The following DNAH2 variants were observed in gnomAD, a reference collection of about 807,000 sequenced individuals.
The protein encoded by DNAH2 is dynein axonemal heavy chain 2.
DNAH2 carries 323 observed loss-of-function variants against 523.5 expected under a neutral mutation model. The ratio of observed to expected loss-of-function variants is 0.62; its 90% CI spans 0.56 to 0.68. The LOEUF is 0.68. Ranked by LOEUF, DNAH2 falls within the 30% of genes least tolerant of loss-of-function variation. The pLI is 0.00. For missense variants in DNAH2, 4,907 were observed against 5,701.5 expected (o/e 0.86, Z 4.49); for synonymous variants, 2,093 against 2,177.4 (o/e 0.96, Z 1.08).
At chr17:7,758,149 A>G (rs2075896494) in intron 13 of DNAH2, among the ~76,000 whole-genome samples, 1 of 152,246 alleles carries the variant, frequency 6.6e-6, no homozygotes, top group South Asian at 2.1e-4. Context: ...ATGTAAATTA[A>G]GTAAATAAAC....
Position 7,778,106 on chromosome 17 carries a change from C to G in DNAH2, c.5277C>G (p.Thr1759=). The change falls in exon 34 of 86, where the codon ACC becomes ACG. Residue 1759 remains threonine, a synonymous_variant. Coordinates refer to ENST00000572933, the MANE Select transcript of DNAH2 (RefSeq NM_020877.5). ...KDLDDCVIRQ[T]NTQFQYNYEY... is the part of the protein sequence containing the mutation. ...TTGATGACTGTGTCATCCGCCAGAC[C>G]AACACGCAATTTCAGTATAATTATG... is the stretch of plus-strand genomic sequence containing the variant. 6.2e-7 allele frequency: 1 copy of G among 1,614,154 alleles called. No homozygotes were observed. Among genetic ancestry groups the G allele is most frequent in the Non-Finnish European group, 8.5e-7 (1 of 1,180,026 alleles).
rs1251829117 is a variant in DNAH2, at chr17:7,787,901, T to C, written c.6645T>C (p.Ser2215=). ...AAGTGGAGGACCTGGCAATGGCCTC[T>C]CCGGCCACTGTATCCCGCTGCGGGA... ...LFEVEDLAMA[S]PATVSRCGMV... is the part of the protein sequence containing the mutation. Residue 2215 remains serine (S), a synonymous_variant, in exon 43 of 86, where the codon TCT becomes TCC. Transcript: ENST00000572933. 6.2e-7 allele frequency: 1 copy of C among 1,614,184 alleles called. No homozygotes were observed. The highest frequency in any genetic ancestry group is 8.5e-7 in the Non-Finnish European group (1 of 1,180,016).
chr17:7,818,923 C>G lies in DNAH2; in HGVS notation c.10675C>G (p.Leu3559Val), dbSNP rs775217415. The change falls in exon 71 of 86, where the codon CTG (leucine) becomes GTG (valine). Residue 3559 changes from leucine to valine, a missense_variant. Leu to Val is a conservative substitution (Grantham distance 32, BLOSUM62 1). Around this residue, in one of 3 missense-constraint regions of DNAH2, gnomAD observed 1,851 missense variants for 2,139.4 expected, o/e 0.87. Transcript: ENST00000572933. ...TGCCTCTGGGCCTCCCCCTAGGCTG[C>G]TGAATGAGGCCACCGGCTCCCTGCT... is the stretch of plus-strand genomic sequence containing the variant. ...KELEDEILRLLNEATGSLLDD... is the reference protein window; with the variant it reads ...KELEDEILRLVNEATGSLLDD... 4 of 1,611,690 alleles carry G rather than the reference C, an allele frequency of 2.5e-6. No individual in the cohort carries two copies. Among genetic ancestry groups the G allele is most frequent in the Non-Finnish European group, 3.4e-6 (4 of 1,179,004 alleles).
Position 7,727,182 on chromosome 17 carries a change from G to C in DNAH2, c.289G>C (p.Glu97Gln), listed in dbSNP as rs2074841962. The C allele has an allele frequency of 6.2e-7, 1 of 1,608,368 alleles. No individual in the cohort carries two copies. Among genetic ancestry groups the C allele is most frequent in the African/African-American group, 1.3e-5 (1 of 74,602 alleles). ...ACTGGCGGATGCAGTGTGGACACAGGAGCATGATGCCATTCTGGAACACTT... is the reference window on the plus strand; with the variant it reads ...ACTGGCGGATGCAGTGTGGACACAGCAGCATGATGCCATTCTGGAACACTT... ...TGLADAVWTQ[E>Q]HDAILEHFAQ... Residue 97 changes from glutamate to glutamine, a missense_variant, in exon 4 of 86, where the codon GAG (glutamate) becomes CAG (glutamine). By Grantham distance (29) the Glu-to-Gln change is conservative (BLOSUM62 2). Around this residue, in one of 3 missense-constraint regions of DNAH2, gnomAD observed 2,806 missense variants for 3,190.8 expected, o/e 0.88. Coordinates refer to ENST00000572933, the MANE Select transcript of DNAH2 (RefSeq NM_020877.5).
In DNAH2 at chr17:7,831,378, C is replaced by T. The variant is rs369383953; in HGVS notation, c.12460-12C>T. 1 of 1,614,146 alleles carries T rather than the reference C, an allele frequency of 6.2e-7. No homozygotes were observed. The highest frequency in any genetic ancestry group is 8.5e-7 in the Non-Finnish European group (1 of 1,180,030). On this transcript the variant is annotated splice_polypyrimidine_tract_variant and intron_variant, in intron 80 of 85. Transcript: ENST00000572933. The surrounding 1 kb of genome is among the most constrained non-coding windows in gnomAD (Gnocchi z 4.2). ...AAGAGGGGGCTACACTCAAGAGCTC[C>T]TGCCTGCTCAGGTCCTTGAGTTGGC... is the stretch of plus-strand genomic sequence containing the variant.
At position 7,770,650 on chromosome 17, in the gene DNAH2, C is replaced by A. The variant is rs143537117; in HGVS notation, c.4181+11C>A. On this transcript the variant is annotated intron_variant, in intron 26 of 85. Transcript: ENST00000572933. ...CCATCATCGGCTCAGGTCAGGGGAG[C>A]TGGGGCTCTAGGAGAATGGAGGGCT... 1.6e-3 allele frequency: 2,615 copies of A among 1,614,114 alleles called. 11 individuals are homozygous for A. The highest frequency in any genetic ancestry group is 8.2e-3 in the African/African-American group (612 of 75,058).
At chr17:7,733,722 C>A (rs1351992951) in intron 5 of DNAH2, among the ~76,000 whole-genome samples, 1 of 152,042 alleles carries the variant, frequency 6.6e-6, no homozygotes, top group Non-Finnish European at 1.5e-5. Context: ...CATGATCCAC[C>A]CGCCTTGGCC....
At chr17:7,725,440 A>ATATATATATATATATATATATT (rs958458949) in intron 3 of DNAH2, among the ~76,000 whole-genome samples, 1 of 130,610 alleles carries the variant, frequency 7.7e-6, no homozygotes, top group African/African-American at 2.8e-5. Context: ...ATATATATAT[A>ATATATATATATATATATATATT]TTTTCTTTTT....
At position 7,831,246 on chromosome 17, in the gene DNAH2, G is replaced by T. The variant is rs375942330; in HGVS notation, c.12391G>T (p.Asp4131Tyr). Residue 4131 changes from aspartate to tyrosine, a missense_variant, in exon 80 of 86, where the codon GAT (aspartate) becomes TAT (tyrosine). Asp to Tyr is a radical substitution (Grantham distance 160). Coordinates refer to ENST00000572933, the MANE Select transcript of DNAH2 (RefSeq NM_020877.5). The surrounding 1 kb of genome is among the most constrained non-coding windows in gnomAD (Gnocchi z 4.2). ...SQITEAQTLF[D>Y]TLLSLQPQIT... ...GATCACTGAGGCACAAACCCTCTTT[G>T]ATACTTTGCTTTCCTTGCAACCTCA... 6.8e-6 allele frequency: 11 copies of T among 1,614,144 alleles called. No homozygotes were observed. The highest frequency in any genetic ancestry group is 9.3e-6 in the Non-Finnish European group (11 of 1,180,040).
intron 12 of DNAH2, chr17:7,743,530 G>A (rs1008849762): frequency 6.6e-6 from 4 of 606,438 alleles, no homozygotes; most frequent in African/African-American, 3.7e-5. Flanking sequence ...GCTGGGCGTG[G>A]TGGCACAAGC....
At chr17:7,787,364 T>A in intron 42 of DNAH2, 1 of 398,912 alleles carries the variant, frequency 2.5e-6, no homozygotes, top group Non-Finnish European at 4.5e-6. Flanking sequence ...AAGCACACCC[T>A]TTTCCACCCA....
At chr17:7,769,408 C>T (rs139946792) in intron 24 of DNAH2, among the ~76,000 whole-genome samples, 119 of 152,262 alleles carry the variant, frequency 7.8e-4, no homozygotes, top group Middle Eastern at 3.4e-3. Context: ...GTGATCCGCT[C>T]GCCTTGGCCT....
chr17:7,760,013 C>A lies in DNAH2; in HGVS notation c.2785+75C>A. 6.2e-7 allele frequency: 1 copy of A among 1,600,886 alleles called. No homozygotes were observed. The highest frequency in any genetic ancestry group is 8.5e-7 in the Non-Finnish European group (1 of 1,170,210). ...GAGTGGGCCAGGCCAGGAGGAGAGA[C>A]CAGGGCTATTTCCAGGCATACTGGG... is the stretch of plus-strand genomic sequence containing the variant. On this transcript the variant is annotated intron_variant, in intron 17 of 85. Transcript: ENST00000572933. This position sits in a 1 kb window ranked among gnomAD's most constrained non-coding sequence, Gnocchi z 4.0.
Position 7,734,249 on chromosome 17 carries a change from C to T in DNAH2, c.695C>T (p.Pro232Leu). 1 of 1,607,646 alleles carries T rather than the reference C, an allele frequency of 6.2e-7. No homozygotes were observed. Among genetic ancestry groups the T allele is most frequent in the Non-Finnish European group, 8.5e-7 (1 of 1,176,876 alleles). Residue 232 changes from proline (P) to leucine (L), a missense_variant, in exon 6 of 86, where the codon CCT becomes CTT. Pro to Leu is a moderately conservative substitution (Grantham distance 98). Around this residue, in one of 3 missense-constraint regions of DNAH2, gnomAD observed 2,806 missense variants for 3,190.8 expected, o/e 0.88. Transcript: ENST00000572933. The stretch of plus-strand genomic sequence containing the variant: ...CCTGCAGAGGCCATGAACATGAAGC[C>T]TGAGATGGTGATAAAGGACAAAGAG... ...YIPAEAMNMK[P>L]EMVIKDKELV...
chr17:7,804,104 A>G (rs752933171), intron 58 of DNAH2, 152 bp from the exon 59 acceptor site: 12 of 720,676 alleles, frequency 1.7e-5, no homozygotes, highest in Non-Finnish European at 2.8e-5. Context: ...CCAGGCAGGA[A>G]GTGATAGAAT....
At chr17:7,729,061 T>C (rs1168406854) in intron 4 of DNAH2, among the ~76,000 whole-genome samples, 1 of 151,190 alleles carries the variant, frequency 6.6e-6, no homozygotes. Context: ...GAATACCTGA[T>C]AAAATGAGCA....
rs1326419595 is a variant in DNAH2, at chr17:7,786,887, A to G, written c.6467-10A>G. On this transcript the variant is annotated splice_polypyrimidine_tract_variant and intron_variant, in intron 41 of 85. Coordinates refer to ENST00000572933, the MANE Select transcript of DNAH2 (RefSeq NM_020877.5). This position sits in a 1 kb window ranked among gnomAD's most constrained non-coding sequence, Gnocchi z 7.5. ...CTCCCCGGTTTCCTCATCACCCACC[A>G]TCTACTCAGATGAGAAACCCGACGA... 2 of 1,614,124 alleles carry G rather than the reference A, an allele frequency of 1.2e-6. No individual in the cohort carries two copies. Among genetic ancestry groups the G allele is most frequent in the South Asian group, 1.1e-5 (1 of 91,090 alleles).
rs1414406447 is a variant in DNAH2 at position 7,798,726 on chromosome 17, T to G, written c.8559+8T>G. The G allele has an allele frequency of 2.5e-6, 4 of 1,610,840 alleles. No individual in the cohort carries two copies. Among genetic ancestry groups the G allele is most frequent in the Non-Finnish European group, 3.4e-6 (4 of 1,179,400 alleles). ...CCTGATGAATTTGAAGAGGTAGGAT[T>G]CCTTCCACACCCTTGACCAGTCAGT... On this transcript the variant is annotated splice_region_variant and intron_variant, in intron 55 of 85. Coordinates refer to ENST00000572933, the MANE Select transcript of DNAH2 (RefSeq NM_020877.5). The surrounding 1 kb of genome is among the most constrained non-coding windows in gnomAD (Gnocchi z 5.5).
chr17:7,786,673 G>A lies in DNAH2; in HGVS notation c.6452G>A (p.Arg2151Gln), dbSNP rs745642943. 19 of 1,613,838 alleles carry A rather than the reference G, an allele frequency of 1.2e-5. No homozygotes were observed. Among genetic ancestry groups the A allele is most frequent in the African/African-American group, 9.3e-5 (7 of 74,906 alleles). Reference sequence around the variant, plus strand: ...GATGGCATCTTGTCCAGTGTCATGCGGACGGCATGTGCAGGTATCCAGAGG... The same window carrying A: ...GATGGCATCTTGTCCAGTGTCATGCAGACGGCATGTGCAGGTATCCAGAGG... ...WTDGILSSVMRTACADEKPDE... is the reference protein window; with the variant it reads ...WTDGILSSVMQTACADEKPDE... The change falls in exon 41 of 86, where the codon CGG (arginine) becomes CAG (glutamine). Residue 2151 changes from arginine to glutamine, a missense_variant. By Grantham distance (43) the Arg-to-Gln change is conservative. Around this residue, in one of 3 missense-constraint regions of DNAH2, gnomAD observed 2,806 missense variants for 3,190.8 expected, o/e 0.88. Coordinates refer to ENST00000572933, the MANE Select transcript of DNAH2 (RefSeq NM_020877.5). The surrounding 1 kb of genome is among the most constrained non-coding windows in gnomAD (Gnocchi z 7.5).
Sources: allele counts gnomAD v4.1 joint callset (sites outside exome capture counted in the v4.1 genomes callset), GRCh38; gene constraint gnomAD v4.1.1; regional missense constraint gnomAD v4.1.1; non-coding constraint Gnocchi (gnomAD v3.1); transcripts MANE v1.5; gene names NCBI Gene and HGNC (gene_info 2026-07-23, HGNC 2026-07-21).